Variants in SRCIN1 observed in about 807,000 individuals in gnomAD.
The protein encoded by SRCIN1 is P130Cas-associated protein.
A neutral mutation model predicts 116.2 loss-of-function variants in SRCIN1; 50 were observed. The ratio of observed to expected loss-of-function variants is 0.43; its 90% CI spans 0.34 to 0.54. The LOEUF is 0.54. Among genes scored for constraint, SRCIN1 ranks in the 20% least tolerant of loss-of-function variants. The probability of loss-of-function intolerance (pLI) is 0.02; values close to 1 mark genes in which losing one functional copy is unlikely to be tolerated. For synonymous variants in SRCIN1, 736 were observed against 750.0 expected, an observed-to-expected ratio of 0.98 and a Z score of 0.30; for missense variants, 1,446 against 1,672.0, an observed-to-expected ratio of 0.86 and a Z score of 2.36.
chr17:38,595,837 C>T (rs1219521461), intron 1 of SRCIN1, among the ~76,000 whole-genome samples: 1 of 152,266 alleles, frequency 6.6e-6, no homozygotes, highest in Non-Finnish European at 1.5e-5. Flanking sequence ...CACGCACACT[C>T]ACTGACATGC....
chr17:38,597,446 G>A (rs1427767606), intron 1 of SRCIN1, among the ~76,000 whole-genome samples: 1 of 152,226 alleles, frequency 6.6e-6, no homozygotes, highest in African/African-American at 2.4e-5. Context: ...TCAGACAGAG[G>A]AAGAGGAGGA....
chr17:38,567,756 C>G (rs553937647), intron 3 of SRCIN1, among the ~76,000 whole-genome samples: 2 of 152,134 alleles, frequency 1.3e-5, no homozygotes, highest in African/African-American at 2.4e-5. Context: ...CTGCCTAGCA[C>G]GGACCAGCCC....
intron 11 of SRCIN1, among the ~76,000 whole-genome samples, chr17:38,556,578 G>A (rs938901433): frequency 1.3e-5 from 2 of 152,230 alleles, no homozygotes; most frequent in Non-Finnish European, 2.9e-5. Flanking sequence ...GGGCAGGGGG[G>A]CTGCAGGGTT....
intron 10 of SRCIN1, 90 bp downstream of exon 10, chr17:38,559,495 G>C: frequency 7.4e-7 from 1 of 1,347,594 alleles, no homozygotes. Context: ...GGAAAAGGAT[G>C]AGGTAGTAGG....
intron 18 of SRCIN1, among the ~76,000 whole-genome samples, chr17:38,538,695 G>GT (rs1218540447): frequency 2.0e-5 from 3 of 152,000 alleles, no homozygotes; most frequent in Admixed American, 2.0e-4. Flanking sequence ...TTTTGTTAAC[G>GT]TATCACCTTC....
At chr17:38,596,658 C>G (rs1385751556) in intron 1 of SRCIN1, among the ~76,000 whole-genome samples, 1 of 152,114 alleles carries the variant, frequency 6.6e-6, no homozygotes, top group African/African-American at 2.4e-5. Flanking sequence ...TGACAACCCT[C>G]TCCCCAGCCT....
chr17:38,543,771 C>A, intron 18 of SRCIN1, 52 bp downstream of exon 18: 1 of 1,579,814 alleles, frequency 6.3e-7, no homozygotes, highest in Non-Finnish European at 8.6e-7. Context: ...GGGGCAGGGG[C>A]CCGGCATGCA....
intron 1 of SRCIN1, among the ~76,000 whole-genome samples, chr17:38,587,698 GAAGGATCAGCAGC>G (rs1488916582): frequency 6.6e-6 from 1 of 152,110 alleles, no homozygotes; most frequent in Non-Finnish European, 1.5e-5. Context: ...ACCTCCTTAG[GAAGGATCAGCAGC>G]AAGGCAGAAA....
In SRCIN1 at chr17:38,552,151, G is replaced by C. The variant is rs745520991; in HGVS notation, c.2481-19C>G. ...CACTTGCCTGGGGTTGGGAGAGTTGGGAGCAGCTGTGAGGCCAGCAGGTGG... is the reference window on the plus strand; with the variant it reads ...CACTTGCCTGGGGTTGGGAGAGTTGCGAGCAGCTGTGAGGCCAGCAGGTGG... On this transcript the variant is annotated intron_variant, in intron 13 of 18. Coordinates refer to ENST00000617146, the MANE Select transcript of SRCIN1 (RefSeq NM_025248.3). The surrounding 1 kb of genome is among the most constrained non-coding windows in gnomAD (Gnocchi z 5.3). 1.6e-5 allele frequency: 25 copies of C among 1,599,344 alleles called. No individual in the cohort carries two copies. The highest frequency in any genetic ancestry group is 2.0e-5 in the Non-Finnish European group (23 of 1,171,204).
rs752489381 is a variant in SRCIN1, at chr17:38,533,350, A to G, written c.3499T>C (p.Ser1167Pro). 6.2e-7 allele frequency: 1 copy of G among 1,604,296 alleles called. No homozygotes were observed. Among genetic ancestry groups the G allele is most frequent in the Non-Finnish European group, 8.5e-7 (1 of 1,175,656 alleles). Reference sequence around the variant, plus strand: ...CCAAAGGAAGTCAATACAGGGATAGAGGTTCTGGAAGCCGAGGGCTTTTCT... The same window carrying G: ...CCAAAGGAAGTCAATACAGGGATAGGGGTTCTGGAAGCCGAGGGCTTTTCT... ...VSEKPSASRT[S>P]IPVLTSFGAR... The change falls in exon 19 of 19, where the codon TCT becomes CCT. Residue 1167 changes from serine (S) to proline (P), a missense_variant. Transcript: ENST00000617146.
At chr17:38,591,336 C>CA (rs1331592550) in intron 1 of SRCIN1, among the ~76,000 whole-genome samples, 1 of 152,190 alleles carries the variant, frequency 6.6e-6, no homozygotes. Flanking sequence ...CCCTTTGGAG[C>CA]AGAGTGGAGG....
At chr17:38,590,136 A>C (rs113608173) in intron 1 of SRCIN1, among the ~76,000 whole-genome samples, 6 of 151,926 alleles carry the variant, frequency 3.9e-5, no homozygotes, top group African/African-American at 1.5e-4. Context: ...AAAGACTCCC[A>C]CCCTCCCTTC....
chr17:38,545,498 A>C (rs1905023878), intron 17 of SRCIN1: 2 of 152,724 alleles, frequency 1.3e-5, no homozygotes. Context: ...TGTGATTCCT[A>C]CAACCAAACC....
Position 38,563,281 on chromosome 17 carries a change from G to A in SRCIN1, c.740+42C>T. 1.3e-6 allele frequency: 2 copies of A among 1,549,318 alleles called. No individual in the cohort carries two copies. Among genetic ancestry groups the A allele is most frequent in the East Asian group, 2.4e-5 (1 of 40,978 alleles). Reference sequence around the variant, plus strand: ...GGGTCCAGCACCCTGCAGAGGAGGAGCGTGGGGAAGCCCACCCAAATCCCC... The same window carrying A: ...GGGTCCAGCACCCTGCAGAGGAGGAACGTGGGGAAGCCCACCCAAATCCCC... On this transcript the variant is annotated intron_variant, in intron 5 of 18. Transcript: ENST00000617146. The surrounding 1 kb of genome is among the most constrained non-coding windows in gnomAD (Gnocchi z 5.8).
intron 17 of SRCIN1, 64 bp downstream of exon 17, chr17:38,548,493 G>A (rs1289531769): frequency 2.5e-5 from 40 of 1,590,124 alleles, no homozygotes; most frequent in Non-Finnish European, 3.3e-5. Flanking sequence ...CCTGGCCTGG[G>A]GGGCAGCCTG....
chr17:38,604,790 G>A lies in SRCIN1; in HGVS notation c.22+894C>T, dbSNP rs957037615. Among the ~76,000 whole-genome samples, 1 of 152,024 alleles carries A rather than the reference G, an allele frequency of 6.6e-6. No individual in the cohort carries two copies. Among genetic ancestry groups the A allele is most frequent in the African/African-American group, 2.4e-5 (1 of 41,394 alleles). ...GCAGGGGGGTGCGTGGGAGGGGAGGGGGGGCCACGGTGCGTCCCCTTCCCA... is the reference window on the plus strand; with the variant it reads ...GCAGGGGGGTGCGTGGGAGGGGAGGAGGGGCCACGGTGCGTCCCCTTCCCA... On this transcript the variant is annotated intron_variant, in intron 1 of 18. Coordinates refer to ENST00000617146, the MANE Select transcript of SRCIN1 (RefSeq NM_025248.3). This position sits in a 1 kb window ranked among gnomAD's most constrained non-coding sequence, Gnocchi z 4.3.
At chr17:38,587,097 C>A (rs1000677788) in intron 1 of SRCIN1, among the ~76,000 whole-genome samples, 1 of 152,160 alleles carries the variant, frequency 6.6e-6, no homozygotes, top group Non-Finnish European at 1.5e-5. Flanking sequence ...CCTGGGCACT[C>A]CCAGGGCAGG....
chr17:38,587,300 T>C (rs532243497), intron 1 of SRCIN1, among the ~76,000 whole-genome samples: 111 of 152,190 alleles, frequency 7.3e-4, no homozygotes, highest in African/African-American at 1.2e-3. Flanking sequence ...TGCATGGCTA[T>C]TGAGTCCTTG....
chr17:38,569,720 G>A (rs968206798), intron 2 of SRCIN1, among the ~76,000 whole-genome samples: 1 of 152,144 alleles, frequency 6.6e-6, no homozygotes, highest in Non-Finnish European at 1.5e-5. Context: ...CAGTAGAAGA[G>A]GACAACAAAG....
Sources: allele counts gnomAD v4.1 joint callset (sites outside exome capture counted in the v4.1 genomes callset), GRCh38; gene constraint gnomAD v4.1.1; non-coding constraint Gnocchi (gnomAD v3.1); transcripts MANE v1.5; gene names NCBI Gene and HGNC (gene_info 2026-07-23, HGNC 2026-07-21).